MGAT4D: variants seen among roughly 807,000 people sequenced by gnomAD.
MGAT4D encodes the protein alpha-1,3-mannosyl-glycoprotein 4-beta-N-acetylglucosaminyltransferase-like protein MGAT4D.
In MGAT4D, 34 loss-of-function variants were observed where a neutral mutation model predicts 15.9. The observed-to-expected ratio is 2.14, with a 90% CI of 1.62 to 2.84. The LOEUF (loss-of-function observed/expected upper bound fraction) is 2.84. Ranked by LOEUF, MGAT4D falls within the 30% of genes most tolerant of loss-of-function variation. The probability of loss-of-function intolerance (pLI) is 0.00; values close to 1 mark genes in which losing one functional copy is unlikely to be tolerated. For missense variants in MGAT4D, 327 were observed against 140.2 expected, an observed-to-expected ratio of 2.33 and a Z score of -6.73; for synonymous variants, 112 against 48.2, an observed-to-expected ratio of 2.33 and a Z score of -5.49.
rs931328051 is a variant in MGAT4D at position 140,471,638 on chromosome 4, A to G, written c.572+137T>C. 3.4e-5 allele frequency: 9 copies of G among 264,526 alleles called. No individual in the cohort carries two copies. The South Asian group carries it at 8.6e-4, about 25-fold the overall frequency. The allele number at this position is 264,526 out of a possible 1,614,324, so 16.4% of individuals were successfully genotyped here. A position where few individuals can be genotyped will look rare whatever the true frequency, so the allele number is the denominator to read the frequency against. The stretch of plus-strand genomic sequence containing the variant: ...CATACTTCATCACAGCTTAGAAAGG[A>G]CTACAGGTTCTTTCTGCCAGCTATA... On this transcript the variant is annotated intron_variant, in intron 5 of 10. Coordinates refer to ENST00000511113, the MANE Select transcript of MGAT4D (RefSeq NM_001277353.2).
intron 1 of MGAT4D, among the ~76,000 whole-genome samples, chr4:140,495,315 C>T (rs994187398): frequency 7.2e-5 from 11 of 152,238 alleles, no homozygotes; most frequent in African/African-American, 2.4e-4. Context: ...TAAAACAGCA[C>T]TTTCCTTTCC....
chr4:140,491,853 C>A (rs1287046578), intron 1 of MGAT4D, among the ~76,000 whole-genome samples: 3 of 151,992 alleles, frequency 2.0e-5, no homozygotes, highest in East Asian at 3.9e-4. Flanking sequence ...AAACCTCTGT[C>A]CCCCCAGCTC....
chr4:140,464,195 G>A (rs1379966093), intron 6 of MGAT4D, among the ~76,000 whole-genome samples: 1 of 152,168 alleles, frequency 6.6e-6, no homozygotes. Context: ...CACAAAAGAA[G>A]GCTAATCAGT....
At chr4:140,485,394 A>C (rs941638628) in intron 1 of MGAT4D, among the ~76,000 whole-genome samples, 7 of 151,574 alleles carry the variant, frequency 4.6e-5, no homozygotes, top group Non-Finnish European at 8.8e-5. Context: ...CACTCTGGGG[A>C]CTGTTGTGGG....
intron 9 of MGAT4D, among the ~76,000 whole-genome samples, chr4:140,454,627 A>T (rs1730680839): frequency 6.6e-6 from 1 of 152,082 alleles, no homozygotes; most frequent in Admixed American, 6.6e-5. Context: ...AAGAATTGGG[A>T]TGTACCCTTT....
At chr4:140,473,828 A>T (rs769095439) in intron 4 of MGAT4D, among the ~76,000 whole-genome samples, 2 of 151,610 alleles carry the variant, frequency 1.3e-5, no homozygotes, top group Non-Finnish European at 2.9e-5. Flanking sequence ...CCTTCCAAGT[A>T]GCTGGGACTA....
At chr4:140,454,452 T>C (rs1730669993) in intron 9 of MGAT4D, among the ~76,000 whole-genome samples, 1 of 152,196 alleles carries the variant, frequency 6.6e-6, no homozygotes, top group Non-Finnish European at 1.5e-5. Flanking sequence ...ATAGGATAAA[T>C]ACCAATTAGT....
intron 1 of MGAT4D, among the ~76,000 whole-genome samples, chr4:140,486,489 T>C (rs921284178): frequency 2.6e-5 from 4 of 152,064 alleles, no homozygotes; most frequent in African/African-American, 9.7e-5. Context: ...ATCCCTCCCC[T>C]AGCCACCCAC....
At chr4:140,473,959 C>T (rs971737615) in intron 4 of MGAT4D, among the ~76,000 whole-genome samples, 1 of 152,042 alleles carries the variant, frequency 6.6e-6, no homozygotes, top group African/African-American at 2.4e-5. Context: ...GCCCCAGCAC[C>T]ATAAAGTGCT....
intron 10 of MGAT4D, among the ~76,000 whole-genome samples, chr4:140,447,605 G>T (rs1236053578): frequency 6.6e-6 from 1 of 151,956 alleles, no homozygotes; most frequent in Admixed American, 6.6e-5. Flanking sequence ...CTGTATGTGA[G>T]ATGGATCTCT....
At chr4:140,497,527 G>C (rs1472622136) in intron 1 of MGAT4D, among the ~76,000 whole-genome samples, 1 of 152,204 alleles carries the variant, frequency 6.6e-6, no homozygotes, top group African/African-American at 2.4e-5. Flanking sequence ...AGGAGAAATT[G>C]CATCTTGAGT....
chr4:140,473,123 T>G (rs1437200949), intron 4 of MGAT4D, among the ~76,000 whole-genome samples: 1 of 152,074 alleles, frequency 6.6e-6, no homozygotes, highest in Non-Finnish European at 1.5e-5. Flanking sequence ...TATATTTCAT[T>G]TGTTTCTATA....
At chr4:140,467,110 T>C (rs1347066898) in intron 5 of MGAT4D, among the ~76,000 whole-genome samples, 1 of 152,126 alleles carries the variant, frequency 6.6e-6, no homozygotes, top group Non-Finnish European at 1.5e-5. Context: ...TGGTCATTTA[T>C]TTTGGTGGGA....
At chr4:140,480,735 ACACACACAC>A in intron 2 of MGAT4D, among the ~76,000 whole-genome samples, 1 of 2,396 alleles carries the variant, frequency 4.2e-4, no homozygotes, top group Middle Eastern at 0.083. Context: ...CTAAACACAC[ACACACACAC>A]ACACACACAC....
chr4:140,485,535 A>C (rs564866447), intron 1 of MGAT4D, among the ~76,000 whole-genome samples: 1 of 152,070 alleles, frequency 6.6e-6, no homozygotes, highest in African/African-American at 2.4e-5. Flanking sequence ...CATGTACCCT[A>C]AAACTTAAAA....
intron 2 of MGAT4D, 42 bp from the exon 3 acceptor site, chr4:140,479,669 G>A (rs899861363): frequency 1.8e-5 from 7 of 383,986 alleles, no homozygotes; most frequent in Non-Finnish European, 3.2e-5. Context: ...TGATCATAGG[G>A]ATTTTTCTCC....
At chr4:140,495,972 A>T (rs1733810198) in intron 1 of MGAT4D, among the ~76,000 whole-genome samples, 2 of 152,122 alleles carry the variant, frequency 1.3e-5, no homozygotes, top group Admixed American at 1.3e-4. Context: ...TGACCTTGTG[A>T]TCCACCTGCC....
chr4:140,459,256 G>T, intron 8 of MGAT4D: 1 of 192,732 alleles, frequency 5.2e-6, no homozygotes, highest in Non-Finnish European at 1.0e-5. Flanking sequence ...TTTAATAAAT[G>T]GTAACTCTTT....
At chr4:140,481,113 G>A (rs1732692004) in intron 2 of MGAT4D, among the ~76,000 whole-genome samples, 1 of 151,760 alleles carries the variant, frequency 6.6e-6, no homozygotes, top group Non-Finnish European at 1.5e-5. Context: ...TCCAAGATCA[G>A]CCTGGGCAAC....
Sources: gnomAD v4.1 joint callset for allele counts (sites outside exome capture counted in the v4.1 genomes callset) on GRCh38, gnomAD v4.1.1 for gene constraint, MANE v1.5 for transcripts, NCBI Gene and HGNC (gene_info 2026-07-23, HGNC 2026-07-21) for gene names.